The following BMP7 variants were observed in gnomAD, a reference collection of about 807,000 sequenced individuals.
BMP7 encodes the protein bone morphogenetic protein 7.
In BMP7, 12 loss-of-function variants were observed where a neutral mutation model predicts 41.2. The ratio of observed to expected loss-of-function variants is 0.29; its 90% CI spans 0.19 to 0.47. BMP7 has a LOEUF of 0.47. Ranked by LOEUF, BMP7 falls within the 20% of genes least tolerant of loss-of-function variation. The probability of loss-of-function intolerance (pLI) is 0.99; values close to 1 mark genes in which losing one functional copy is unlikely to be tolerated. For missense variants in BMP7, 467 were observed against 606.0 expected (o/e 0.77, Z 2.41); for synonymous variants, 248 against 250.0 (o/e 0.99, Z 0.07).
chr20:57,211,441 C>T (rs1162074403), intron 2 of BMP7, among the ~76,000 whole-genome samples: 5 of 149,966 alleles, frequency 3.3e-5, no homozygotes, highest in Admixed American at 3.3e-4. Flanking sequence ...AAGGAAAACA[C>T]ACTTCAGATG....
chr20:57,256,881 T>C (rs185292788), intron 1 of BMP7, among the ~76,000 whole-genome samples: 184 of 149,288 alleles, frequency 1.2e-3, no homozygotes, highest in Admixed American at 2.7e-3. Flanking sequence ...AAAGCGAAAC[T>C]CCATCTCAAA....
At chr20:57,254,679 A>G (rs889445082) in intron 1 of BMP7, among the ~76,000 whole-genome samples, 36 of 152,028 alleles carry the variant, frequency 2.4e-4, no homozygotes, top group African/African-American at 8.2e-4. Context: ...AAAAACAAAA[A>G]GAAGTCCCTG....
At chr20:57,182,336 G>C (rs921515013) in intron 4 of BMP7, among the ~76,000 whole-genome samples, 1 of 152,180 alleles carries the variant, frequency 6.6e-6, no homozygotes, top group African/African-American at 2.4e-5. Flanking sequence ...TGCACCTTCT[G>C]GGGATCCCAG....
chr20:57,199,290 G>A (rs1984570058), intron 3 of BMP7, among the ~76,000 whole-genome samples: 1 of 152,186 alleles, frequency 6.6e-6, no homozygotes, highest in Non-Finnish European at 1.5e-5. Context: ...GCACCATCTT[G>A]TAAACAGGCT....
At chr20:57,194,327 T>C (rs991123955) in intron 3 of BMP7, among the ~76,000 whole-genome samples, 1 of 152,114 alleles carries the variant, frequency 6.6e-6, no homozygotes. Context: ...GCAGGCCATA[T>C]CCAGCCCACT....
intron 2 of BMP7, among the ~76,000 whole-genome samples, chr20:57,216,453 G>A (rs1013379055): frequency 1.3e-5 from 2 of 151,196 alleles, no homozygotes; most frequent in Non-Finnish European, 2.9e-5. Flanking sequence ...AGAACCTCCT[G>A]GAGCAGCTCC....
chr20:57,189,504 G>A (rs1476000156), intron 3 of BMP7, among the ~76,000 whole-genome samples: 1 of 152,230 alleles, frequency 6.6e-6, no homozygotes, highest in African/African-American at 2.4e-5. Flanking sequence ...TGGCCCCATC[G>A]CACACGCGTG....
At chr20:57,192,192 T>C (rs1342258151) in intron 3 of BMP7, among the ~76,000 whole-genome samples, 1 of 127,270 alleles carries the variant, frequency 7.9e-6, no homozygotes, top group African/African-American at 3.0e-5. Flanking sequence ...ATATTATATA[T>C]AGTATATATA....
At chr20:57,201,053 G>A (rs545969274) in intron 3 of BMP7, among the ~76,000 whole-genome samples, 35 of 152,284 alleles carry the variant, frequency 2.3e-4, no homozygotes, top group African/African-American at 7.9e-4. Flanking sequence ...CTCAAAGCAC[G>A]GTCCAGGGAC....
intron 2 of BMP7, among the ~76,000 whole-genome samples, chr20:57,212,275 A>G (rs1361371681): frequency 6.6e-6 from 1 of 152,212 alleles, no homozygotes; most frequent in Admixed American, 6.5e-5. Flanking sequence ...GGCAGGGAAA[A>G]GCGTTCCCGG....
At chr20:57,260,443 G>C (rs998494248) in intron 1 of BMP7, among the ~76,000 whole-genome samples, 6 of 152,078 alleles carry the variant, frequency 3.9e-5, no homozygotes, top group African/African-American at 1.4e-4. Context: ...ACGTTGATCT[G>C]GGATCCATCA....
intron 3 of BMP7, among the ~76,000 whole-genome samples, chr20:57,190,892 C>T (rs75831070): frequency 0.012 from 1,835 of 152,294 alleles, 39 homozygotes; most frequent in African/African-American, 0.042. Flanking sequence ...CCCACTCCAG[C>T]GCAGTGGGCA....
intron 3 of BMP7, among the ~76,000 whole-genome samples, chr20:57,201,943 T>G (rs751106967): frequency 6.6e-6 from 1 of 152,178 alleles, no homozygotes; most frequent in Non-Finnish European, 1.5e-5. Flanking sequence ...GGTTCTAATG[T>G]GGAAGGGACC....
In BMP7 at chr20:57,170,892, C is replaced by T. The variant is rs1983801059; in HGVS notation, c.*67G>A. 5.6e-6 allele frequency: 9 copies of T among 1,595,162 alleles called. 1 individual carries two copies. Among genetic ancestry groups the T allele is most frequent in the Non-Finnish European group, 7.7e-6 (9 of 1,172,186 alleles). On this transcript the variant is annotated 3_prime_UTR_variant, in exon 7 of 7. Transcript: ENST00000395863. ...CAAAAGGCAGTTGGTCTGCTGGTTC[C>T]TGGCCAAGGCGAGCAATGGAGGATC...
chr20:57,265,205 C>G (rs987607153), intron 1 of BMP7, among the ~76,000 whole-genome samples: 1 of 152,224 alleles, frequency 6.6e-6, no homozygotes, highest in Non-Finnish European at 1.5e-5. Context: ...GCGCGCGGTA[C>G]GCTAAGGCGG....
At chr20:57,245,175 A>T (rs1164457097) in intron 1 of BMP7, among the ~76,000 whole-genome samples, 3 of 152,344 alleles carry the variant, frequency 2.0e-5, no homozygotes, top group Non-Finnish European at 4.4e-5. Context: ...TGGGAACTGG[A>T]AATCTTGAAG....
intron 1 of BMP7, among the ~76,000 whole-genome samples, chr20:57,246,126 C>T (rs1321416472): frequency 6.6e-6 from 1 of 152,216 alleles, no homozygotes; most frequent in African/African-American, 2.4e-5. Context: ...TGTAAACACT[C>T]ACAAGTGCTC....
chr20:57,250,739 G>T (rs970625310), intron 1 of BMP7, among the ~76,000 whole-genome samples: 67 of 152,292 alleles, frequency 4.4e-4, no homozygotes, highest in Non-Finnish European at 4.3e-4. Flanking sequence ...CCAGCAGGTT[G>T]CCTGTGCCCC....
intron 2 of BMP7, among the ~76,000 whole-genome samples, chr20:57,210,340 C>A (rs1021474349): frequency 5.3e-5 from 8 of 152,232 alleles, no homozygotes; most frequent in Admixed American, 3.9e-4. Flanking sequence ...CATCCCCAGG[C>A]TCGTTTCCAG....
Sources: allele counts gnomAD v4.1 joint callset (sites outside exome capture counted in the v4.1 genomes callset), GRCh38; gene constraint gnomAD v4.1.1; transcripts MANE v1.5; gene names NCBI Gene and HGNC (gene_info 2026-07-23, HGNC 2026-07-21).